Variants in ZBTB46 observed in about 807,000 individuals in gnomAD.
The protein encoded by ZBTB46 is zinc finger and BTB domain containing 46, also known as zinc finger and BTB domain-containing protein 46.
In ZBTB46, 8 loss-of-function variants were observed where a neutral mutation model predicts 44.1. The observed-to-expected ratio is 0.18, with a 90% CI of 0.11 to 0.33. ZBTB46 has a LOEUF of 0.33. Ranked by LOEUF, ZBTB46 falls within the 10% of genes least tolerant of loss-of-function variation. ZBTB46 has a pLI of 1.00. For synonymous variants in ZBTB46, 409 were observed against 382.3 expected (o/e 1.07, Z -0.81); for missense variants, 651 against 847.7 (o/e 0.77, Z 2.88).
intron 3 of ZBTB46, among the ~76,000 whole-genome samples, chr20:63,755,997 T>C (rs373880833): frequency 8.5e-5 from 13 of 152,206 alleles, no homozygotes; most frequent in African/African-American, 3.1e-4. Context: ...CCCCCTAAAA[T>C]AGGACATTCA....
intron 3 of ZBTB46, among the ~76,000 whole-genome samples, chr20:63,765,127 G>A (rs921826399): frequency 6.6e-6 from 1 of 152,002 alleles, no homozygotes; most frequent in Non-Finnish European, 1.5e-5. Context: ...GTGCGTGTGT[G>A]TGTGTGTGGG....
At position 63,775,949 on chromosome 20, in the gene ZBTB46, G is replaced by A. The variant is rs746205749; in HGVS notation, c.951C>T (p.Ser317=). ...FSSRDSNADL[S]VTEASSSDSR... ...TGTCGGAGCTGCTGGCTTCGGTGAC[G>A]GACAGGTCCGCATCTGGGGACAGAG... Residue 317 remains serine, a synonymous_variant, in exon 3 of 5, where the codon TCC becomes TCT. Coordinates refer to ENST00000245663, the MANE Select transcript of ZBTB46 (RefSeq NM_001369741.1). The A allele has an allele frequency of 2.5e-5, 40 of 1,570,412 alleles. No individual in the cohort carries two copies. The highest frequency in any genetic ancestry group is 6.9e-5 in the South Asian group (6 of 86,928).
At chr20:63,826,396 G>A (rs1356328953) in intron 1 of ZBTB46, among the ~76,000 whole-genome samples, 1 of 152,224 alleles carries the variant, frequency 6.6e-6, no homozygotes, top group Non-Finnish European at 1.5e-5. Flanking sequence ...GAGCCCGGGG[G>A]CGACACCTGG....
intron 3 of ZBTB46, among the ~76,000 whole-genome samples, chr20:63,759,244 T>C (rs1242689681): frequency 2.7e-5 from 4 of 150,756 alleles, no homozygotes; most frequent in East Asian, 3.9e-4. Context: ...CTTTTGTATA[T>C]TGAGTTTCGT....
chr20:63,800,734 C>T (rs1292782403), intron 1 of ZBTB46, among the ~76,000 whole-genome samples: 1 of 152,240 alleles, frequency 6.6e-6, no homozygotes, highest in Non-Finnish European at 1.5e-5. Context: ...GGCCCACCGG[C>T]GCTGTGCTTG....
chr20:63,818,359 GCGTAAGGAGGTCCAACCCTGGGTCTT>G (rs948366398), intron 1 of ZBTB46, among the ~76,000 whole-genome samples: 3 of 152,244 alleles, frequency 2.0e-5, no homozygotes, highest in Non-Finnish European at 4.4e-5. Context: ...CAGCTGGGCT[GCGTAAGGAGGTCCAACCCTGGGTCTT>G]CGTGAGGAGG....
In ZBTB46 at chr20:63,744,757, A is replaced by C. The variant is rs569484063; in HGVS notation, c.*2173T>G. On this transcript the variant is annotated 3_prime_UTR_variant, in exon 5 of 5. Coordinates refer to ENST00000245663, the MANE Select transcript of ZBTB46 (RefSeq NM_001369741.1). ...AGTGGGACACTGTTGGTTTTAGGGA[A>C]GAAAATGCCCCTGTAGCTCCGGCGG... 1 of 152,516 alleles carries C rather than the reference A, an allele frequency of 6.6e-6. No homozygotes were observed. Among genetic ancestry groups the C allele is most frequent in the Non-Finnish European group, 1.5e-5 (1 of 68,058 alleles). The allele number at this position is 152,516 out of a possible 1,614,324, so 9.4% of individuals were successfully genotyped here. A position where few individuals can be genotyped will look rare whatever the true frequency, so the allele number is the denominator to read the frequency against.
Position 63,767,423 on chromosome 20 carries a change from G to A in ZBTB46, c.1222+8255C>T, listed in dbSNP as rs1354626212. Reference sequence around the variant, plus strand: ...CCTGGCAGCAGCCGGCAGAGGACTCGAGAAATGACCACAGAAAGGCACACA... The same window carrying A: ...CCTGGCAGCAGCCGGCAGAGGACTCAAGAAATGACCACAGAAAGGCACACA... On this transcript the variant is annotated intron_variant, in intron 3 of 4. Transcript: ENST00000245663. This position sits in a 1 kb window ranked among gnomAD's most constrained non-coding sequence, Gnocchi z 5.0. 1.3e-5 allele frequency among the ~76,000 whole-genome samples: 2 copies of A among 152,052 alleles called. No individual in the cohort carries two copies. Among genetic ancestry groups the A allele is most frequent in the Non-Finnish European group, 2.9e-5 (2 of 68,018 alleles).
In ZBTB46 at chr20:63,744,575, T is replaced by C. The variant is rs896382648; in HGVS notation, c.*2355A>G. The C allele has an allele frequency of 6.6e-6, 1 of 152,138 alleles. No homozygotes were observed. The highest frequency in any genetic ancestry group is 2.1e-4 in the South Asian group (1 of 4,826). The allele number at this position is 152,138 out of a possible 1,614,324, so 9.4% of individuals were successfully genotyped here. A position where few individuals can be genotyped will look rare whatever the true frequency, so the allele number is the denominator to read the frequency against. Reference sequence around the variant, plus strand: ...GTTTGAACATCGATTTAAAAAAAAATCAGTCACATAAAAAAAACCCTTCAT... The same window carrying C: ...GTTTGAACATCGATTTAAAAAAAAACCAGTCACATAAAAAAAACCCTTCAT... On this transcript the variant is annotated 3_prime_UTR_variant, in exon 5 of 5. Coordinates refer to ENST00000245663, the MANE Select transcript of ZBTB46 (RefSeq NM_001369741.1).
At chr20:63,828,138 A>T (rs1018252484) in intron 1 of ZBTB46, among the ~76,000 whole-genome samples, 1 of 152,222 alleles carries the variant, frequency 6.6e-6, no homozygotes, top group African/African-American at 2.4e-5. Flanking sequence ...TCCATCTATA[A>T]ACAACACCAT....
intron 1 of ZBTB46, among the ~76,000 whole-genome samples, chr20:63,826,589 T>C (rs1251597330): frequency 6.7e-6 from 1 of 150,302 alleles, no homozygotes; most frequent in Non-Finnish European, 1.5e-5. Flanking sequence ...GCCGGGCATG[T>C]TGGCAGACGC....
intron 3 of ZBTB46, 76 bp downstream of exon 3, chr20:63,775,602 A>G (rs143002051): frequency 6.7e-7 from 1 of 1,498,404 alleles, no homozygotes; most frequent in Non-Finnish European, 8.9e-7. Context: ...GCCTCATCTC[A>G]TCTTGGCCCG....
intron 3 of ZBTB46, among the ~76,000 whole-genome samples, chr20:63,753,800 A>G (rs1219674213): frequency 6.6e-6 from 1 of 152,260 alleles, no homozygotes; most frequent in Non-Finnish European, 1.5e-5. Context: ...ATAATTAATT[A>G]AACAGGCACT....
chr20:63,812,591 A>G (rs2092723854), intron 1 of ZBTB46, among the ~76,000 whole-genome samples: 1 of 152,164 alleles, frequency 6.6e-6, no homozygotes, highest in Admixed American at 6.6e-5. Flanking sequence ...CCTGGTCAAC[A>G]TGTGGAAACC....
intron 1 of ZBTB46, among the ~76,000 whole-genome samples, chr20:63,823,331 C>A (rs966717644): frequency 6.6e-6 from 1 of 151,750 alleles, no homozygotes; most frequent in Non-Finnish European, 1.5e-5. Flanking sequence ...CTGGTCTCTA[C>A]TAAAAAAAGT....
chr20:63,801,206 A>G (rs147203206), intron 1 of ZBTB46, among the ~76,000 whole-genome samples: 1 of 151,826 alleles, frequency 6.6e-6, no homozygotes, highest in African/African-American at 2.4e-5. Context: ...AGGGATTGTA[A>G]ATACACCAAT....
chr20:63,812,392 C>A (rs1453340781), intron 1 of ZBTB46, among the ~76,000 whole-genome samples: 2 of 152,104 alleles, frequency 1.3e-5, no homozygotes, highest in Non-Finnish European at 2.9e-5. Context: ...ACCTGTAATC[C>A]CAGCACTTTG....
At position 63,744,819 on chromosome 20, in the gene ZBTB46, G is replaced by A. The variant is rs1456678650; in HGVS notation, c.*2111C>T. 1.3e-5 allele frequency: 2 copies of A among 152,416 alleles called. No individual in the cohort carries two copies. The highest frequency in any genetic ancestry group is 2.9e-5 in the Non-Finnish European group (2 of 68,064). 9.4% of individuals were successfully genotyped at this position (152,416 alleles called of 1,614,324 possible). A position where few individuals can be genotyped will look rare whatever the true frequency, so the allele number is the denominator to read the frequency against. ...ACGGTCAGCAAAGGCAGGCCACACG[G>A]AGTGAGCCGGCCAGATGGAGCAGGA... On this transcript the variant is annotated 3_prime_UTR_variant, in exon 5 of 5. Transcript: ENST00000245663.
chr20:63,815,954 C>CAGGTGCAGT (rs1395896795), intron 1 of ZBTB46, among the ~76,000 whole-genome samples: 1 of 141,034 alleles, frequency 7.1e-6, no homozygotes, highest in Non-Finnish European at 1.5e-5. Flanking sequence ...ACAGTGGGCA[C>CAGGTGCAGT]AGGTGCAGTG....
Sources: allele counts gnomAD v4.1 joint callset (sites outside exome capture counted in the v4.1 genomes callset), GRCh38; gene constraint gnomAD v4.1.1; non-coding constraint Gnocchi (gnomAD v3.1); transcripts MANE v1.5; gene names NCBI Gene and HGNC (gene_info 2026-07-23, HGNC 2026-07-21).